TMEM132B: variants seen among roughly 807,000 people sequenced by gnomAD.
TMEM132B encodes the protein transmembrane protein 132B.
TMEM132B carries 18 observed loss-of-function variants against 90.8 expected under a neutral mutation model. The observed-to-expected ratio is 0.20, with a 90% CI of 0.14 to 0.29. The LOEUF (loss-of-function observed/expected upper bound fraction) is 0.29. Ranked by LOEUF, TMEM132B falls within the 10% of genes least tolerant of loss-of-function variation. TMEM132B has a pLI of 1.00. For synonymous variants in TMEM132B, 504 were observed against 523.3 expected, an observed-to-expected ratio of 0.96 and a Z score of 0.50; for missense variants, 1,096 against 1,326.8, an observed-to-expected ratio of 0.83 and a Z score of 2.70.
chr12:125,372,611 T>C (rs1206285539), intron 2 of TMEM132B, among the ~76,000 whole-genome samples: 1 of 152,172 alleles, frequency 6.6e-6, no homozygotes, highest in Non-Finnish European at 1.5e-5. Flanking sequence ...CTAGTTAGGA[T>C]TGACATTGGT....
intron 3 of TMEM132B, among the ~76,000 whole-genome samples, chr12:125,513,115 A>T (rs1201749993): frequency 6.6e-6 from 1 of 152,206 alleles, no homozygotes; most frequent in Non-Finnish European, 1.5e-5. Context: ...CTGCCTGCCT[A>T]CGCAGGTCTG....
intron 1 of TMEM132B, among the ~76,000 whole-genome samples, chr12:125,215,879 A>G (rs961782813): frequency 3.9e-5 from 6 of 152,218 alleles, no homozygotes; most frequent in African/African-American, 9.6e-5. Flanking sequence ...GTCCACCTGG[A>G]TAACAGAAGG....
intron 6 of TMEM132B, 141 bp from the exon 7 acceptor site, chr12:125,650,542 T>G (rs972543366): frequency 1.1e-6 from 1 of 913,824 alleles, no homozygotes; most frequent in Non-Finnish European, 1.6e-6. Flanking sequence ...GAACTGGGAG[T>G]GGATAGATGG....
At position 125,204,151 on chromosome 12, in the gene TMEM132B, C is replaced by T. The variant is rs932670629; in HGVS notation, c.67+17285C>T. Among the ~76,000 whole-genome samples the T allele has an allele frequency of 2.6e-5, 4 of 152,206 alleles. 1 individual carries two copies. Among genetic ancestry groups the T allele is most frequent in the Middle Eastern group, 6.8e-3 (2 of 294 alleles). ...GCTCAGCCCCTTATGTAGAGTATCT[C>T]GTGAATCCTTTCAATGAGGGCTCCA... On this transcript the variant is annotated intron_variant, in intron 1 of 8. Coordinates refer to ENST00000682704, the MANE Select transcript of TMEM132B (RefSeq NM_001366854.1).
chr12:125,390,158 C>T (rs1357690071), intron 2 of TMEM132B, among the ~76,000 whole-genome samples: 2 of 152,168 alleles, frequency 1.3e-5, no homozygotes, highest in African/African-American at 2.4e-5. Flanking sequence ...CAGCAATTCA[C>T]AAATGTGTTC....
chr12:125,300,489 C>A (rs565890009), intron 1 of TMEM132B, among the ~76,000 whole-genome samples: 73 of 152,286 alleles, frequency 4.8e-4, no homozygotes, highest in African/African-American at 1.6e-3. Context: ...ACCTATCTGC[C>A]TACATCCAGA....
intron 2 of TMEM132B, among the ~76,000 whole-genome samples, chr12:125,356,485 T>G (rs1328729924): frequency 1.3e-5 from 2 of 152,236 alleles, no homozygotes; most frequent in Non-Finnish European, 2.9e-5. Context: ...CCACGATTGA[T>G]TCTCCCTATT....
At chr12:125,630,254 A>T (rs79877012) in intron 5 of TMEM132B, among the ~76,000 whole-genome samples, 14,588 of 152,106 alleles carry the variant, frequency 0.096, 1,162 homozygotes, top group Admixed American at 0.27. Flanking sequence ...TTAGCAATAA[A>T]GCCCTCAGGT....
chr12:125,308,092 T>TTATAA, intron 1 of TMEM132B, among the ~76,000 whole-genome samples: 2 of 145,626 alleles, frequency 1.4e-5, no homozygotes, highest in Admixed American at 7.0e-5. Flanking sequence ...GTATATATAC[T>TTATAA]TACAATACAA....
chr12:125,272,395 C>T (rs561670245), intron 1 of TMEM132B, among the ~76,000 whole-genome samples: 26 of 152,290 alleles, frequency 1.7e-4, no homozygotes, highest in Non-Finnish European at 3.2e-4. Context: ...CCCTGTCCCC[C>T]AGCGGGTGGG....
intron 5 of TMEM132B, among the ~76,000 whole-genome samples, chr12:125,603,783 A>G (rs1885623979): frequency 6.6e-6 from 1 of 152,218 alleles, no homozygotes. Context: ...AAAGTGGGCA[A>G]AGGATATGAA....
chr12:125,269,580 TCTC>T (rs1204646113), intron 1 of TMEM132B, among the ~76,000 whole-genome samples: 2 of 152,090 alleles, frequency 1.3e-5, no homozygotes, highest in South Asian at 2.1e-4. Context: ...ATAAAAACCT[TCTC>T]CTTGTTTAAA....
chr12:125,297,232 T>A (rs1875693997), intron 1 of TMEM132B, among the ~76,000 whole-genome samples: 1 of 152,164 alleles, frequency 6.6e-6, no homozygotes, highest in South Asian at 2.1e-4. Context: ...CTTTTTCCCC[T>A]TGGAAGGGGA....
intron 6 of TMEM132B, among the ~76,000 whole-genome samples, chr12:125,648,199 C>T (rs1360595837): frequency 6.6e-6 from 1 of 151,910 alleles, no homozygotes; most frequent in Non-Finnish European, 1.5e-5. Context: ...TGATGGTTTC[C>T]AATTTCATCC....
At chr12:125,424,125 A>G (rs899707869) in intron 3 of TMEM132B, among the ~76,000 whole-genome samples, 4 of 152,140 alleles carry the variant, frequency 2.6e-5, no homozygotes, top group Non-Finnish European at 5.9e-5. Context: ...TCTTTTAAAC[A>G]TTGCTACTGG....
At chr12:125,341,238 C>T (rs957194989) in intron 1 of TMEM132B, among the ~76,000 whole-genome samples, 3 of 152,178 alleles carry the variant, frequency 2.0e-5, no homozygotes, top group African/African-American at 7.2e-5. Flanking sequence ...TGATCTTAGG[C>T]AAGTCACATA....
chr12:125,394,059 T>C (rs766310118), intron 2 of TMEM132B, among the ~76,000 whole-genome samples: 1 of 152,166 alleles, frequency 6.6e-6, no homozygotes, highest in Admixed American at 6.5e-5. Context: ...ACAACCCATA[T>C]AGCCAGGTAG....
intron 1 of TMEM132B, among the ~76,000 whole-genome samples, chr12:125,266,175 G>C (rs941450309): frequency 1.3e-5 from 2 of 152,108 alleles, no homozygotes; most frequent in Non-Finnish European, 2.9e-5. Flanking sequence ...GTCTGGGTGA[G>C]CTGAGATCGC....
At chr12:125,611,985 A>G (rs896493339) in intron 5 of TMEM132B, among the ~76,000 whole-genome samples, 1 of 152,086 alleles carries the variant, frequency 6.6e-6, no homozygotes, top group Non-Finnish European at 1.5e-5. Context: ...TGTCCTACTC[A>G]TCGTGAAAGT....
Sources: gnomAD v4.1 joint callset for allele counts (sites outside exome capture counted in the v4.1 genomes callset) on GRCh38, gnomAD v4.1.1 for gene constraint, MANE v1.5 for transcripts, NCBI Gene and HGNC (gene_info 2026-07-23, HGNC 2026-07-21) for gene names.